Variants in OLA1 observed in about 807,000 individuals in gnomAD.
The protein encoded by OLA1 is Obg like ATPase 1, also known as obg-like ATPase 1.
Under a neutral mutation model 48.4 loss-of-function variants are expected in OLA1, and 14 were observed. The observed-to-expected ratio is 0.29, with a 90% CI of 0.19 to 0.45. OLA1 has a LOEUF of 0.45. Ranked by LOEUF, OLA1 falls within the 20% of genes least tolerant of loss-of-function variation. The probability of loss-of-function intolerance (pLI) is 1.00; values close to 1 mark genes in which losing one functional copy is unlikely to be tolerated. For missense variants in OLA1, 325 were observed against 467.1 expected (o/e 0.70, Z 2.80); for synonymous variants, 127 against 150.4 (o/e 0.84, Z 1.14).
intron 4 of OLA1, among the ~76,000 whole-genome samples, chr2:174,181,384 C>A (rs1007069927): frequency 6.6e-6 from 1 of 152,066 alleles, no homozygotes; most frequent in African/African-American, 2.4e-5. Flanking sequence ...GGCCAAGGGA[C>A]TCTGTTGTTT....
intron 5 of OLA1, among the ~76,000 whole-genome samples, chr2:174,138,074 C>T (rs920806465): frequency 2.0e-5 from 3 of 152,252 alleles, no homozygotes; most frequent in Non-Finnish European, 2.9e-5. Context: ...CGTGTGTTCT[C>T]TGGAGGAGCA....
chr2:174,134,081 G>C (rs1686245166), intron 5 of OLA1, among the ~76,000 whole-genome samples: 1 of 152,134 alleles, frequency 6.6e-6, no homozygotes, highest in African/African-American at 2.4e-5. Context: ...TGTTTTTGAG[G>C]CTCATGCACA....
At chr2:174,116,918 A>G (rs1405126567) in intron 7 of OLA1, among the ~76,000 whole-genome samples, 1 of 152,224 alleles carries the variant, frequency 6.6e-6, no homozygotes, top group African/African-American at 2.4e-5. Context: ...TTTCTTTAAA[A>G]AATCATGCTA....
chr2:174,144,464 C>T (rs530853868), intron 4 of OLA1, among the ~76,000 whole-genome samples: 3 of 152,186 alleles, frequency 2.0e-5, no homozygotes, highest in East Asian at 3.9e-4. Flanking sequence ...CTAGAACGGG[C>T]CTAGAACACC....
At chr2:174,243,333 G>A (rs1689051226) in intron 2 of OLA1, among the ~76,000 whole-genome samples, 1 of 152,192 alleles carries the variant, frequency 6.6e-6, no homozygotes, top group Non-Finnish European at 1.5e-5. Context: ...GGAGGCTGAG[G>A]AGTAGGGACT....
chr2:174,165,712 C>T (rs184303147), intron 4 of OLA1, among the ~76,000 whole-genome samples: 21 of 152,218 alleles, frequency 1.4e-4, no homozygotes, highest in Admixed American at 9.2e-4. Context: ...ATCAAAGGAC[C>T]GGATTAGCTT....
At chr2:174,224,226 A>G (rs1688566562) in intron 3 of OLA1, among the ~76,000 whole-genome samples, 1 of 152,032 alleles carries the variant, frequency 6.6e-6, no homozygotes, top group Non-Finnish European at 1.5e-5. Flanking sequence ...AAACCACATA[A>G]ATGTGGTTAG....
At chr2:174,158,342 G>A (rs1044789061) in intron 4 of OLA1, among the ~76,000 whole-genome samples, 6 of 151,612 alleles carry the variant, frequency 4.0e-5, no homozygotes, top group African/African-American at 1.2e-4. Context: ...TGAAACTTTT[G>A]GACCCACACA....
chr2:174,184,051 G>A (rs546060397), intron 4 of OLA1, among the ~76,000 whole-genome samples: 6 of 152,330 alleles, frequency 3.9e-5, no homozygotes, highest in African/African-American at 1.4e-4. Context: ...CATGCTGGCT[G>A]CTCAGCTGTC....
At chr2:174,120,190 A>G (rs1685881981) in intron 7 of OLA1, among the ~76,000 whole-genome samples, 2 of 152,158 alleles carry the variant, frequency 1.3e-5, no homozygotes, top group East Asian at 3.8e-4. Context: ...CTACTAACAG[A>G]GCAGCAAGGG....
chr2:174,165,981 C>T (rs1283169355), intron 4 of OLA1, among the ~76,000 whole-genome samples: 1 of 151,952 alleles, frequency 6.6e-6, no homozygotes, highest in Admixed American at 6.6e-5. Context: ...AAAAAGTAGC[C>T]GGACATGGTG....
chr2:174,195,812 T>C (rs1026097386), intron 4 of OLA1, among the ~76,000 whole-genome samples: 5 of 152,174 alleles, frequency 3.3e-5, no homozygotes, highest in Admixed American at 3.3e-4. Context: ...TTACCTATTA[T>C]TAAATAACAG....
intron 4 of OLA1, among the ~76,000 whole-genome samples, chr2:174,204,029 G>A (rs1167119636): frequency 6.6e-6 from 1 of 151,580 alleles, no homozygotes; most frequent in African/African-American, 2.4e-5. Flanking sequence ...TCCTGACCTC[G>A]TGATCCACCT....
intron 4 of OLA1, among the ~76,000 whole-genome samples, chr2:174,150,484 T>C (rs955169430): frequency 5.3e-5 from 8 of 152,202 alleles, no homozygotes; most frequent in Admixed American, 3.3e-4. Context: ...TTAAGATACC[T>C]TGATATTCCA....
At chr2:174,146,828 A>G (rs1686611940) in intron 4 of OLA1, among the ~76,000 whole-genome samples, 1 of 152,220 alleles carries the variant, frequency 6.6e-6, no homozygotes. Flanking sequence ...GAATTTTGAG[A>G]ACATTTCCTC....
At chr2:174,128,512 C>G (rs1686097762) in intron 5 of OLA1, among the ~76,000 whole-genome samples, 1 of 151,620 alleles carries the variant, frequency 6.6e-6, no homozygotes, top group Admixed American at 6.6e-5. Context: ...GGTGGATCAC[C>G]TGAGGTCAGG....
At chr2:174,245,281 A>T (rs1289559056) in intron 2 of OLA1, among the ~76,000 whole-genome samples, 1 of 152,226 alleles carries the variant, frequency 6.6e-6, no homozygotes, top group Non-Finnish European at 1.5e-5. Flanking sequence ...ATATCACAGC[A>T]GGAAACCCCT....
At position 174,073,429 on chromosome 2, in the gene OLA1, T is replaced by A. The variant is rs1462422991; in HGVS notation, c.*1997A>T. ...GAGGGAAAACGTTTAGATATAGGCATATATATGATTATATGTAACAGTTCT... is the reference window on the plus strand; with the variant it reads ...GAGGGAAAACGTTTAGATATAGGCAAATATATGATTATATGTAACAGTTCT... On this transcript the variant is annotated 3_prime_UTR_variant, in exon 11 of 11. Transcript: ENST00000284719. 1 of 152,230 alleles carries A rather than the reference T, an allele frequency of 6.6e-6. No individual in the cohort carries two copies. The highest frequency in any genetic ancestry group is 1.5e-5 in the Non-Finnish European group (1 of 68,038). 9.4% of individuals were successfully genotyped at this position (152,230 alleles called of 1,614,324 possible). A position where few individuals can be genotyped will look rare whatever the true frequency, so the allele number is the denominator to read the frequency against.
chr2:174,215,926 G>A (rs953503222), intron 4 of OLA1, among the ~76,000 whole-genome samples: 2 of 152,040 alleles, frequency 1.3e-5, no homozygotes, highest in Admixed American at 6.6e-5. Context: ...CCAGTAAATC[G>A]TGTATTGCTG....
Sources: gnomAD v4.1 joint callset for allele counts (sites outside exome capture counted in the v4.1 genomes callset) on GRCh38, gnomAD v4.1.1 for gene constraint, MANE v1.5 for transcripts, NCBI Gene and HGNC (gene_info 2026-07-23, HGNC 2026-07-21) for gene names.